LYPD6: variants seen among roughly 807,000 people sequenced by gnomAD.
LYPD6 encodes the protein ly6/PLAUR domain-containing protein 6.
Under a neutral mutation model 22.7 loss-of-function variants are expected in LYPD6, and 15 were observed. That is an observed-to-expected ratio of 0.66 (90% CI 0.44 to 1.02). The LOEUF (loss-of-function observed/expected upper bound fraction) is 1.02, where lower values mean the gene tolerates loss of function less well. LYPD6 is among the 50% of genes least tolerant of loss of function. The pLI is 0.00. For missense variants in LYPD6, 189 were observed against 208.4 expected (o/e 0.91, Z 0.57); for synonymous variants, 72 against 77.5 (o/e 0.93, Z 0.37).
intron 1 of LYPD6, among the ~76,000 whole-genome samples, chr2:149,413,144 C>T (rs1008223302): frequency 6.6e-6 from 1 of 152,172 alleles, no homozygotes; most frequent in Non-Finnish European, 1.5e-5. Flanking sequence ...GCCTTTTCCT[C>T]ACCCAAGGGA....
chr2:149,410,325 G>C (rs1039216104), intron 1 of LYPD6, among the ~76,000 whole-genome samples: 1 of 152,144 alleles, frequency 6.6e-6, no homozygotes, highest in African/African-American at 2.4e-5. Context: ...GTTTGTGCCA[G>C]TATACGTGAA....
downstream of LYPD6, among the ~76,000 whole-genome samples, chr2:149,476,148 G>A (rs549793850): frequency 1.7e-4 from 26 of 152,208 alleles, no homozygotes; most frequent in African/African-American, 5.3e-4. Flanking sequence ...CCCTTCTTTG[G>A]TGCTCAGAGT....
At chr2:149,380,186 AGGTCAGAAAT>A (rs1454884991) in intron 1 of LYPD6, among the ~76,000 whole-genome samples, 4 of 152,224 alleles carry the variant, frequency 2.6e-5, no homozygotes, top group African/African-American at 9.6e-5. Flanking sequence ...ATAGGAGATA[AGGTCAGAAAT>A]GGGGAGCGGG....
chr2:149,380,507 A>G (rs1474528200), intron 1 of LYPD6, among the ~76,000 whole-genome samples: 2 of 152,156 alleles, frequency 1.3e-5, no homozygotes, highest in Admixed American at 1.3e-4. Context: ...AGTCAAGGAT[A>G]GTCCAAGCAT....
chr2:149,360,609 G>GTTTT (rs113615324), intron 1 of LYPD6, among the ~76,000 whole-genome samples: 31 of 141,514 alleles, frequency 2.2e-4, no homozygotes, highest in Admixed American at 9.9e-4. Flanking sequence ...GTCTTTACTT[G>GTTTT]TTTTTTTTTT....
At chr2:149,368,181 AG>A (rs1681723044) in intron 1 of LYPD6, 1 of 152,236 alleles carries the variant, frequency 6.6e-6, no homozygotes. Context: ...ACATCACTCA[AG>A]GAAGGCTTCC....
chr2:149,357,538 C>G (rs1159983539), intron 1 of LYPD6, among the ~76,000 whole-genome samples: 2 of 152,078 alleles, frequency 1.3e-5, no homozygotes, highest in Non-Finnish European at 2.9e-5. Context: ...TAAAACTGTA[C>G]CTGTTTCAGC....
At chr2:149,459,476 C>T (rs754469413) in intron 3 of LYPD6, among the ~76,000 whole-genome samples, 51 of 152,194 alleles carry the variant, frequency 3.4e-4, no homozygotes, top group Non-Finnish European at 5.9e-4. Flanking sequence ...AGTAAACGTA[C>T]TTGATACTAC....
chr2:149,426,377 G>A (rs1224313702), intron 1 of LYPD6, among the ~76,000 whole-genome samples: 1 of 152,188 alleles, frequency 6.6e-6, no homozygotes, highest in Non-Finnish European at 1.5e-5. Flanking sequence ...GTATGAGTTG[G>A]TTCTTCCCAG....
intron 1 of LYPD6, among the ~76,000 whole-genome samples, chr2:149,371,943 C>T (rs76325598): frequency 0.032 from 4,827 of 152,172 alleles, 238 homozygotes; most frequent in African/African-American, 0.11. Context: ...TAAGCCCTTC[C>T]ACCTGCCCCT....
intron 4 of LYPD6, 78 bp from the exon 5 acceptor site, chr2:149,470,605 C>A: frequency 7.7e-7 from 1 of 1,301,854 alleles, no homozygotes; most frequent in Non-Finnish European, 1.1e-6. Context: ...GCCATGTGGG[C>A]GACAGTGCCT....
intron 1 of LYPD6, among the ~76,000 whole-genome samples, chr2:149,348,613 T>C (rs1289780276): frequency 6.6e-6 from 1 of 152,212 alleles, no homozygotes. Context: ...TAGTAAAAAG[T>C]CAAAGATGTA....
At chr2:149,385,664 T>A (rs993742963) in intron 1 of LYPD6, among the ~76,000 whole-genome samples, 8 of 151,986 alleles carry the variant, frequency 5.3e-5, no homozygotes, top group Non-Finnish European at 8.8e-5. Context: ...ACAAACAGAG[T>A]AATTAAGCCT....
intron 3 of LYPD6, among the ~76,000 whole-genome samples, chr2:149,461,735 A>C (rs1681091757): frequency 1.3e-5 from 2 of 152,026 alleles, no homozygotes; most frequent in Admixed American, 1.3e-4. Context: ...CCATGGATAC[A>C]AGGCTGGTTT....
chr2:149,358,326 AG>A lies in LYPD6; in HGVS notation c.-72+27605del, dbSNP rs144056969. On this transcript the variant is annotated intron_variant, in intron 1 of 4. Transcript: ENST00000334166. The stretch of plus-strand genomic sequence containing the variant: ...AACCTAAAACATACTAGGGACGTAT[AG>A]ACAAGTAACAAGTCTTTAATAAAGA... Among the ~76,000 whole-genome samples, 574 of 152,362 alleles carry A rather than the reference AG, an allele frequency of 3.8e-3. 5 individuals carry two copies. Among genetic ancestry groups the A allele is most frequent in the African/African-American group, 0.013 (557 of 41,592 alleles).
chr2:149,442,696 C>T (rs915049961), intron 2 of LYPD6, among the ~76,000 whole-genome samples: 1 of 151,138 alleles, frequency 6.6e-6, no homozygotes, highest in Non-Finnish European at 1.5e-5. Flanking sequence ...TAGCAAGTTA[C>T]TGGAGATAGT....
intron 1 of LYPD6, among the ~76,000 whole-genome samples, chr2:149,382,542 G>T (rs959388159): frequency 6.6e-6 from 1 of 151,934 alleles, no homozygotes; most frequent in Non-Finnish European, 1.5e-5. Flanking sequence ...TGATTCTGTG[G>T]CCCTATATCA....
At chr2:149,376,395 T>A (rs1254506955) in intron 1 of LYPD6, among the ~76,000 whole-genome samples, 2 of 152,136 alleles carry the variant, frequency 1.3e-5, no homozygotes, top group Non-Finnish European at 2.9e-5. Context: ...CCAGAACATT[T>A]TTTTTTTCCA....
intron 1 of LYPD6, among the ~76,000 whole-genome samples, chr2:149,408,587 G>T (rs1396075293): frequency 6.6e-6 from 1 of 152,132 alleles, no homozygotes; most frequent in Non-Finnish European, 1.5e-5. Flanking sequence ...AAACTTCTTG[G>T]AGGATTTTTT....
Sources: allele counts gnomAD v4.1 joint callset (sites outside exome capture counted in the v4.1 genomes callset), GRCh38; gene constraint gnomAD v4.1.1; transcripts MANE v1.5; gene names NCBI Gene and HGNC (gene_info 2026-07-23, HGNC 2026-07-21).